DOCK4: variants seen among roughly 807,000 people sequenced by gnomAD.
The protein encoded by DOCK4 is dedicator of cytokinesis 4.
A neutral mutation model predicts 268.1 loss-of-function variants in DOCK4; 97 were observed. That is an observed-to-expected ratio of 0.36 (90% CI 0.31 to 0.43). The LOEUF (loss-of-function observed/expected upper bound fraction) is 0.43. Among genes scored for constraint, DOCK4 ranks in the 20% least tolerant of loss-of-function variants. The probability of loss-of-function intolerance (pLI) is 1.00; values close to 1 mark genes in which losing one functional copy is unlikely to be tolerated. For missense variants in DOCK4, 2,145 were observed against 2,455.7 expected, an observed-to-expected ratio of 0.87 and a Z score of 2.67; for synonymous variants, 954 against 887.2, an observed-to-expected ratio of 1.08 and a Z score of -1.34.
At chr7:111,762,707 T>C (rs1797490726) in intron 39 of DOCK4, among the ~76,000 whole-genome samples, 1 of 151,432 alleles carries the variant, frequency 6.6e-6, no homozygotes, top group African/African-American at 2.4e-5. Flanking sequence ...AGCATGTATA[T>C]AGAAGTAGAA....
chr7:111,867,108 A>G (rs1806037662), intron 22 of DOCK4, among the ~76,000 whole-genome samples: 1 of 152,122 alleles, frequency 6.6e-6, no homozygotes, highest in Admixed American at 6.5e-5. Context: ...ACAAGAATAG[A>G]CCTCTCAACA....
intron 8 of DOCK4, among the ~76,000 whole-genome samples, chr7:111,973,160 T>TGC (rs1562950876): frequency 7.6e-5 from 9 of 119,174 alleles, no homozygotes; most frequent in East Asian, 2.5e-4. Context: ...CCATGGCATA[T>TGC]ATATATATAT....
chr7:112,128,777 C>CGGAA (rs1383195410), intron 1 of DOCK4, among the ~76,000 whole-genome samples: 2 of 152,010 alleles, frequency 1.3e-5, no homozygotes, highest in East Asian at 3.9e-4. Context: ...ACAAACACTG[C>CGGAA]GGAAGGCCGC....
At chr7:112,195,700 G>GAA (rs531440066) in intron 1 of DOCK4, among the ~76,000 whole-genome samples, 8 of 144,492 alleles carry the variant, frequency 5.5e-5, no homozygotes, top group South Asian at 2.2e-4. Flanking sequence ...CCATTTTGGA[G>GAA]AAAAAAAAAA....
chr7:111,860,478 T>G (rs973632577), intron 23 of DOCK4, among the ~76,000 whole-genome samples: 2 of 152,216 alleles, frequency 1.3e-5, no homozygotes. Context: ...AGAAGCCTTT[T>G]CTCTGTTGAA....
At chr7:112,120,114 TG>T (rs1812600886) in intron 1 of DOCK4, among the ~76,000 whole-genome samples, 2 of 152,216 alleles carry the variant, frequency 1.3e-5, no homozygotes, top group African/African-American at 4.8e-5. Flanking sequence ...CCCAAAGTGC[TG>T]GGATTACAAG....
At chr7:111,733,193 C>T (rs1249295378) in intron 51 of DOCK4, among the ~76,000 whole-genome samples, 1 of 152,172 alleles carries the variant, frequency 6.6e-6, no homozygotes, top group Non-Finnish European at 1.5e-5. Context: ...CTCACAACTA[C>T]TGAAAGGCTG....
chr7:112,193,421 C>T (rs1296988446), intron 1 of DOCK4, among the ~76,000 whole-genome samples: 4 of 151,446 alleles, frequency 2.6e-5, no homozygotes, highest in African/African-American at 7.3e-5. Flanking sequence ...AATAGTGAGA[C>T]CCTGTTTCTA....
chr7:111,847,158 T>A, intron 23 of DOCK4, 32 bp from the exon 24 acceptor site: 1 of 1,612,586 alleles, frequency 6.2e-7, no homozygotes. Context: ...GTGTCACATC[T>A]GTTGGAGTCC....
At chr7:111,973,210 G>A (rs546168749) in intron 8 of DOCK4, among the ~76,000 whole-genome samples, 4 of 130,194 alleles carry the variant, frequency 3.1e-5, no homozygotes, top group Admixed American at 7.8e-5. Context: ...TCCACTCATT[G>A]ATTGATGGGC....
At chr7:111,930,480 G>A (rs114052668) in intron 12 of DOCK4, among the ~76,000 whole-genome samples, 1,892 of 152,180 alleles carry the variant, frequency 0.012, 47 homozygotes, top group African/African-American at 0.044. Flanking sequence ...TCAAAGTTGC[G>A]TTTTTTTCTC....
intron 40 of DOCK4, 64 bp downstream of exon 40, chr7:111,760,117 G>A (rs2133586882): frequency 6.3e-7 from 1 of 1,585,074 alleles, no homozygotes; most frequent in African/African-American, 1.3e-5. Context: ...ACCTTGCATG[G>A]AAATGCTCTG....
chr7:112,066,701 A>ATGTATGTGTG (rs1563052267), intron 1 of DOCK4, among the ~76,000 whole-genome samples: 7 of 39,450 alleles, frequency 1.8e-4, no homozygotes, highest in African/African-American at 6.6e-4. Flanking sequence ...ATATATATAT[A>ATGTATGTGTG]TATATATATA....
At chr7:111,994,734 C>G (rs570736560) in intron 4 of DOCK4, among the ~76,000 whole-genome samples, 1 of 152,258 alleles carries the variant, frequency 6.6e-6, no homozygotes, top group African/African-American at 2.4e-5. Context: ...TGAACACTCT[C>G]TTGATCTCGG....
chr7:111,956,979 G>T (rs73428887), intron 8 of DOCK4, among the ~76,000 whole-genome samples: 2,498 of 152,206 alleles, frequency 0.016, 55 homozygotes, highest in African/African-American at 0.056. Flanking sequence ...AAATGAAAAT[G>T]ATCTAAAGCA....
At chr7:111,854,234 G>A (rs143993383) in intron 23 of DOCK4, among the ~76,000 whole-genome samples, 5 of 152,212 alleles carry the variant, frequency 3.3e-5, no homozygotes, top group African/African-American at 1.2e-4. Flanking sequence ...CCACACCCTG[G>A]GCCTGGTAGT....
At chr7:112,066,678 T>TATATACATATAC (rs57764149) in intron 1 of DOCK4, among the ~76,000 whole-genome samples, 1 of 22,014 alleles carries the variant, frequency 4.5e-5, no homozygotes, top group Non-Finnish European at 7.8e-5. Context: ...TACATATACA[T>TATATACATATAC]ATATACATAT....
At chr7:112,087,712 A>G (rs1250401933) in intron 1 of DOCK4, among the ~76,000 whole-genome samples, 1 of 152,152 alleles carries the variant, frequency 6.6e-6, no homozygotes, top group Non-Finnish European at 1.5e-5. Flanking sequence ...TCTCCTAAAT[A>G]GAGTCTCACT....
Position 112,066,294 on chromosome 7 carries a change from C to T in DOCK4, c.38-62163G>A, listed in dbSNP as rs1806924301. On this transcript the variant is annotated intron_variant, in intron 1 of 52. Coordinates refer to ENST00000428084, the MANE Select transcript of DOCK4 (RefSeq NM_001363540.2). ...AGCAGGGACACTCTTCTTTTACTGTCCTTGGACATAAGTCCAGGTTCTCAG... is the reference window on the plus strand; with the variant it reads ...AGCAGGGACACTCTTCTTTTACTGTTCTTGGACATAAGTCCAGGTTCTCAG... Among the ~76,000 whole-genome samples the T allele has an allele frequency of 2.0e-5, 3 of 152,140 alleles. No homozygotes were observed. In the South Asian group the frequency reaches 6.2e-4, roughly 32 times the overall value.
Sources: gnomAD v4.1 joint callset for allele counts (sites outside exome capture counted in the v4.1 genomes callset) on GRCh38, gnomAD v4.1.1 for gene constraint, MANE v1.5 for transcripts, NCBI Gene and HGNC (gene_info 2026-07-23, HGNC 2026-07-21) for gene names.